XKR4: variants seen among roughly 807,000 people sequenced by gnomAD.
XKR4 encodes the protein XK-related protein 4.
A neutral mutation model predicts 53.9 loss-of-function variants in XKR4; 12 were observed. The ratio of observed to expected loss-of-function variants is 0.22; its 90% CI spans 0.14 to 0.36. The LOEUF is 0.36. XKR4 is among the 10% of genes least tolerant of loss of function. XKR4 has a pLI of 1.00. For synonymous variants in XKR4, 354 were observed against 362.4 expected (o/e 0.98, Z 0.26); for missense variants, 799 against 859.5 (o/e 0.93, Z 0.88).
intron 2 of XKR4, 72 bp downstream of exon 2, chr8:55,357,949 C>G: frequency 1.4e-6 from 2 of 1,474,260 alleles, no homozygotes; most frequent in Non-Finnish European, 1.8e-6. Context: ...ATCCGAGGAA[C>G]TGTCCTAATG....
intron 1 of XKR4, among the ~76,000 whole-genome samples, chr8:55,127,762 G>A (rs1816494253): frequency 7.7e-6 from 1 of 130,218 alleles, no homozygotes; most frequent in Admixed American, 9.4e-5. Context: ...CCCAGTGTGT[G>A]ATGTTCCCCT....
chr8:55,493,492 G>A (rs966761373), intron 2 of XKR4, among the ~76,000 whole-genome samples: 2 of 152,200 alleles, frequency 1.3e-5, no homozygotes. Flanking sequence ...TTGCCAACAA[G>A]GAATCCCAAC....
intron 1 of XKR4, among the ~76,000 whole-genome samples, chr8:55,337,038 T>C (rs1317970965): frequency 2.6e-5 from 4 of 152,192 alleles, no homozygotes; most frequent in African/African-American, 7.2e-5. Flanking sequence ...ATATTACGCT[T>C]TATATTTGGG....
chr8:55,199,646 C>T (rs951642207), intron 1 of XKR4, among the ~76,000 whole-genome samples: 3 of 152,148 alleles, frequency 2.0e-5, no homozygotes, highest in Non-Finnish European at 2.9e-5. Context: ...GTTAATTTGA[C>T]TCTCTCTACC....
intron 1 of XKR4, among the ~76,000 whole-genome samples, chr8:55,354,719 AC>A (rs917688867): frequency 5.7e-4 from 86 of 151,800 alleles, no homozygotes; most frequent in African/African-American, 2.0e-3. Flanking sequence ...CAAAAAAAAA[AC>A]ACACATGCAC....
chr8:55,354,900 T>C (rs924749415), intron 1 of XKR4, among the ~76,000 whole-genome samples: 5 of 148,170 alleles, frequency 3.4e-5, no homozygotes, highest in Non-Finnish European at 1.5e-5. Context: ...CTCATCAGTA[T>C]AGAATTTTTT....
At chr8:55,471,075 A>G (rs1199069850) in intron 2 of XKR4, among the ~76,000 whole-genome samples, 1 of 152,148 alleles carries the variant, frequency 6.6e-6, no homozygotes, top group Non-Finnish European at 1.5e-5. Flanking sequence ...CACTAGCCAC[A>G]TTGAAAATTA....
At chr8:55,171,693 A>G (rs1224899662) in intron 1 of XKR4, among the ~76,000 whole-genome samples, 2 of 152,092 alleles carry the variant, frequency 1.3e-5, no homozygotes, top group Non-Finnish European at 2.9e-5. Context: ...GCCAACACTG[A>G]CAGCCTACAC....
chr8:55,357,953 C>CCTAAT, intron 2 of XKR4, 76 bp downstream of exon 2: 1 of 1,439,928 alleles, frequency 6.9e-7, no homozygotes, highest in Non-Finnish European at 9.5e-7. Context: ...GAGGAACTGT[C>CCTAAT]CTAATGCCCT....
chr8:55,408,745 G>A (rs193142004), intron 2 of XKR4, among the ~76,000 whole-genome samples: 41 of 152,194 alleles, frequency 2.7e-4, no homozygotes, highest in Admixed American at 1.4e-3. Flanking sequence ...GCGGTGGTTC[G>A]CGCCTGTAAT....
intron 2 of XKR4, among the ~76,000 whole-genome samples, chr8:55,378,781 G>C (rs1158197312): frequency 2.0e-5 from 3 of 152,164 alleles, no homozygotes; most frequent in Non-Finnish European, 4.4e-5. Flanking sequence ...CTAAGGGAAT[G>C]AGCGCATGTC....
At chr8:55,224,624 A>T (rs895326563) in intron 1 of XKR4, among the ~76,000 whole-genome samples, 1 of 152,174 alleles carries the variant, frequency 6.6e-6, no homozygotes, top group African/African-American at 2.4e-5. Flanking sequence ...ATTTCGGGAT[A>T]AAAAAGAATG....
At chr8:55,288,669 A>G (rs570796773) in intron 1 of XKR4, among the ~76,000 whole-genome samples, 1 of 152,316 alleles carries the variant, frequency 6.6e-6, no homozygotes, top group Non-Finnish European at 1.5e-5. Context: ...TTTGGAGAAA[A>G]TTAGAGATCG....
chr8:55,498,786 GAGAGAC>G (rs954411626), intron 2 of XKR4, among the ~76,000 whole-genome samples: 1 of 152,054 alleles, frequency 6.6e-6, no homozygotes, highest in Non-Finnish European at 1.5e-5. Flanking sequence ...CAGAGACAGA[GAGAGAC>G]AGAGACAGAG....
chr8:55,449,543 AC>A lies in XKR4; in HGVS notation c.1007-73735del, dbSNP rs988497327. ...CGACAGTCAGCTCTGGATCCGGTCCACCCACTGCTGGGCTGAGGGCACGTCC... is the reference window on the plus strand; with the variant it reads ...CGACAGTCAGCTCTGGATCCGGTCCACCACTGCTGGGCTGAGGGCACGTCC... On this transcript the variant is annotated intron_variant, in intron 2 of 2. Transcript: ENST00000327381. The A allele has an allele frequency of 3.4e-6, 5 of 1,485,292 alleles. No homozygotes were observed. The Admixed American group carries it at 6.8e-5, about 20-fold the overall frequency. The allele number at this position is 1,485,292 out of a possible 1,614,324, so 92.0% of individuals were successfully genotyped here.
intron 2 of XKR4, among the ~76,000 whole-genome samples, chr8:55,516,928 G>A (rs1446021931): frequency 6.6e-6 from 1 of 152,186 alleles, no homozygotes; most frequent in African/African-American, 2.4e-5. Flanking sequence ...GTACACCATG[G>A]AAATACCATG....
intron 2 of XKR4, among the ~76,000 whole-genome samples, chr8:55,498,735 T>A (rs1806394246): frequency 6.6e-6 from 1 of 152,120 alleles, no homozygotes; most frequent in Admixed American, 6.5e-5. Flanking sequence ...ATCCTGCCAC[T>A]GCACTCCACC....
At chr8:55,462,613 C>A (rs1343679667) in intron 2 of XKR4, among the ~76,000 whole-genome samples, 2 of 152,142 alleles carry the variant, frequency 1.3e-5, no homozygotes, top group Non-Finnish European at 2.9e-5. Context: ...GGATCAAATT[C>A]ACACATAACA....
chr8:55,102,995 C>T lies in XKR4; in HGVS notation c.507C>T (p.His169=), dbSNP rs368445927. The change falls in exon 1 of 3, where the codon CAC becomes CAT. Residue 169 remains histidine, a synonymous_variant. Transcript: ENST00000327381. The surrounding 1 kb of genome is among the most constrained non-coding windows in gnomAD (Gnocchi z 5.1). ...VQVFSFRWFV[H]DFSTEDSATA... The stretch of plus-strand genomic sequence containing the variant: ...TGTTCAGCTTCCGCTGGTTTGTGCA[C>T]GATTTCAGCACCGAGGACAGCGCCA... The T allele has an allele frequency of 1.6e-5, 26 of 1,612,022 alleles. No homozygotes were observed. The highest frequency in any genetic ancestry group is 3.3e-4 in the Middle Eastern group (2 of 6,080).
Sources: gnomAD v4.1 joint callset for allele counts (sites outside exome capture counted in the v4.1 genomes callset) on GRCh38, gnomAD v4.1.1 for gene constraint, Gnocchi (gnomAD v3.1) non-coding constraint, MANE v1.5 for transcripts, NCBI Gene and HGNC (gene_info 2026-07-23, HGNC 2026-07-21) for gene names.